GPC5: variants seen among roughly 807,000 people sequenced by gnomAD.
GPC5 encodes the protein glypican 5.
A neutral mutation model predicts 53.9 loss-of-function variants in GPC5; 47 were observed. The observed-to-expected ratio is 0.87, with a 90% CI of 0.69 to 1.11. GPC5 has a LOEUF of 1.11. Ranked by LOEUF, GPC5 falls within the 50% of genes most tolerant of loss-of-function variation. The pLI, the probability that GPC5 is intolerant of heterozygous loss-of-function variation, is 0.00. For synonymous variants in GPC5, 286 were observed against 263.3 expected, an observed-to-expected ratio of 1.09 and a Z score of -0.84; for missense variants, 748 against 713.1, an observed-to-expected ratio of 1.05 and a Z score of -0.56.
chr13:91,564,032 G>T (rs543055323), intron 2 of GPC5, among the ~76,000 whole-genome samples: 1 of 152,094 alleles, frequency 6.6e-6, no homozygotes, highest in African/African-American at 2.4e-5. Flanking sequence ...CTTCAACAAA[G>T]CTGTCTTATT....
Position 92,672,974 on chromosome 13 carries a change from A to C in GPC5, c.1562-193308A>C, listed in dbSNP as rs1886800347. 3.9e-5 allele frequency among the ~76,000 whole-genome samples: 6 copies of C among 152,158 alleles called. No individual in the cohort carries two copies. In the South Asian group the frequency reaches 1.2e-3, roughly 32 times the overall value. On this transcript the variant is annotated intron_variant, in intron 7 of 7. Transcript: ENST00000377067. ...TGGATGATGAAATAATCTGTACCAC[A>C]AACCCCCATGACACAAGTTTACCTG... is the stretch of plus-strand genomic sequence containing the variant.
At chr13:92,735,961 A>G (rs2139304227) in intron 7 of GPC5, among the ~76,000 whole-genome samples, 1 of 152,116 alleles carries the variant, frequency 6.6e-6, no homozygotes, top group East Asian at 1.9e-4. Context: ...ACATGCTGTA[A>G]CACTGGAGAG....
chr13:92,660,043 T>C (rs147424824), intron 7 of GPC5, among the ~76,000 whole-genome samples: 265 of 152,296 alleles, frequency 1.7e-3, no homozygotes, highest in African/African-American at 6.2e-3. Flanking sequence ...CTTTGTTCCA[T>C]TGAAGGAATA....
intron 7 of GPC5, among the ~76,000 whole-genome samples, chr13:92,184,249 T>G (rs984983240): frequency 1.3e-5 from 2 of 152,208 alleles, no homozygotes; most frequent in Non-Finnish European, 2.9e-5. Flanking sequence ...TAATTATATA[T>G]ACACAGAGTA....
chr13:91,975,528 C>G (rs1457045946), intron 6 of GPC5, among the ~76,000 whole-genome samples: 2 of 152,230 alleles, frequency 1.3e-5, no homozygotes, highest in African/African-American at 2.4e-5. Context: ...AAATGCTCAT[C>G]ATCACTGGCC....
chr13:91,861,137 TG>T, intron 5 of GPC5, among the ~76,000 whole-genome samples: 1 of 152,306 alleles, frequency 6.6e-6, no homozygotes, highest in South Asian at 2.1e-4. Context: ...ACTCAGCATT[TG>T]GCCTATGTTG....
At chr13:92,754,713 A>T (rs1874778363) in intron 7 of GPC5, among the ~76,000 whole-genome samples, 2 of 151,852 alleles carry the variant, frequency 1.3e-5, no homozygotes, top group African/African-American at 4.8e-5. Context: ...TAAACCAACA[A>T]AGATCAAAAG....
intron 7 of GPC5, among the ~76,000 whole-genome samples, chr13:92,771,570 C>T (rs4773696): frequency 2.6e-5 from 4 of 152,076 alleles, no homozygotes; most frequent in Admixed American, 2.0e-4. Context: ...GTCTTGAACT[C>T]CTGACCTCGT....
chr13:91,445,311 G>T (rs1880713233), intron 1 of GPC5, among the ~76,000 whole-genome samples: 1 of 152,252 alleles, frequency 6.6e-6, no homozygotes, highest in Non-Finnish European at 1.5e-5. Context: ...GTGTCCTCTT[G>T]ACTACCAGGA....
intron 7 of GPC5, among the ~76,000 whole-genome samples, chr13:92,483,717 G>A (rs1269296603): frequency 6.6e-6 from 1 of 151,040 alleles, no homozygotes; most frequent in African/African-American, 2.4e-5. Flanking sequence ...TATAATAAAT[G>A]TAGCTTAAAA....
At chr13:91,674,240 G>A (rs974807051) in intron 2 of GPC5, among the ~76,000 whole-genome samples, 5 of 152,132 alleles carry the variant, frequency 3.3e-5, no homozygotes, top group Middle Eastern at 3.4e-3. Context: ...CTTTGAAGGC[G>A]TTTCTAAATG....
chr13:92,814,294 C>A (rs1223209029), intron 7 of GPC5, among the ~76,000 whole-genome samples: 1 of 151,802 alleles, frequency 6.6e-6, no homozygotes, highest in South Asian at 2.1e-4. Flanking sequence ...ATCTTTGTGA[C>A]CTTGGGTTAG....
intron 7 of GPC5, among the ~76,000 whole-genome samples, chr13:92,335,310 G>A (rs1247865600): frequency 6.6e-6 from 1 of 152,168 alleles, no homozygotes; most frequent in Non-Finnish European, 1.5e-5. Context: ...GGCCCAAGCA[G>A]TATGTTGGTT....
At chr13:91,655,900 T>G (rs1288931600) in intron 2 of GPC5, among the ~76,000 whole-genome samples, 1 of 152,156 alleles carries the variant, frequency 6.6e-6, no homozygotes, top group Non-Finnish European at 1.5e-5. Context: ...TGAAAACAAC[T>G]ATGGAGTCTG....
chr13:92,448,094 A>C (rs2139395188), intron 7 of GPC5: 1 of 152,266 alleles, frequency 6.6e-6, no homozygotes, highest in African/African-American at 2.4e-5. Context: ...TCCAAAGGGA[A>C]ACATTATTTG....
intron 7 of GPC5, among the ~76,000 whole-genome samples, chr13:92,311,751 G>T (rs925965128): frequency 3.9e-5 from 6 of 152,102 alleles, no homozygotes; most frequent in Non-Finnish European, 7.4e-5. Flanking sequence ...CCTCCCACTG[G>T]GTCCATCCCA....
intron 7 of GPC5, among the ~76,000 whole-genome samples, chr13:92,852,023 T>G (rs1316983325): frequency 1.3e-5 from 2 of 151,934 alleles, no homozygotes; most frequent in Admixed American, 1.3e-4. Flanking sequence ...GAAAAAAAAT[T>G]TATTCCTCGC....
intron 7 of GPC5, among the ~76,000 whole-genome samples, chr13:92,347,732 G>A (rs2043425169): frequency 7.0e-6 from 1 of 142,610 alleles, no homozygotes; most frequent in Non-Finnish European, 1.5e-5. Context: ...AATCGTCAAG[G>A]GACACACATT....
chr13:92,217,066 C>T (rs890569792), intron 7 of GPC5, among the ~76,000 whole-genome samples: 1 of 152,018 alleles, frequency 6.6e-6, no homozygotes, highest in Non-Finnish European at 1.5e-5. Context: ...TCCCTCTGAC[C>T]CTGCAGTCTT....
Sources: gnomAD v4.1 joint callset for allele counts (sites outside exome capture counted in the v4.1 genomes callset) on GRCh38, gnomAD v4.1.1 for gene constraint, MANE v1.5 for transcripts, NCBI Gene and HGNC (gene_info 2026-07-23, HGNC 2026-07-21) for gene names.